LRP1B: variants seen among roughly 807,000 people sequenced by gnomAD.
LRP1B encodes the protein LDL receptor related protein 1B, also known as low-density lipoprotein receptor-related protein 1B.
Under a neutral mutation model 556.6 loss-of-function variants are expected in LRP1B, and 217 were observed. That is an observed-to-expected ratio of 0.39 (90% CI 0.35 to 0.44). The LOEUF (loss-of-function observed/expected upper bound fraction) is 0.44. Ranked by LOEUF, LRP1B falls within the 20% of genes least tolerant of loss-of-function variation. The pLI, the probability that LRP1B is intolerant of heterozygous loss-of-function variation, is 1.00. For synonymous variants in LRP1B, 2,047 were observed against 1,865.8 expected (o/e 1.10, Z -2.50); for missense variants, 5,053 against 5,620.8 (o/e 0.90, Z 3.23).
chr2:141,171,170 CA>C (rs1351512094), intron 7 of LRP1B, among the ~76,000 whole-genome samples: 1 of 152,028 alleles, frequency 6.6e-6, no homozygotes, highest in Non-Finnish European at 1.5e-5. Context: ...ATTACTGAAC[CA>C]ATGTTGATGC....
At chr2:141,860,677 G>T (rs72994939) in intron 1 of LRP1B, among the ~76,000 whole-genome samples, 8,542 of 152,064 alleles carry the variant, frequency 0.056, 814 homozygotes, top group African/African-American at 0.19. Context: ...GGTAAAAATA[G>T]AAATATAAAT....
At chr2:142,069,629 T>C (rs1408378897) in intron 1 of LRP1B, among the ~76,000 whole-genome samples, 4 of 151,838 alleles carry the variant, frequency 2.6e-5, no homozygotes, top group Admixed American at 6.6e-5. Context: ...TTAATATATG[T>C]CTCCATTAAA....
intron 86 of LRP1B, among the ~76,000 whole-genome samples, chr2:140,253,518 T>C (rs1681546453): frequency 6.6e-6 from 1 of 152,012 alleles, no homozygotes; most frequent in South Asian, 2.1e-4. Context: ...TTTGTTAAGT[T>C]TGAGTGATTT....
intron 1 of LRP1B, among the ~76,000 whole-genome samples, chr2:142,033,824 T>C (rs1030593596): frequency 1.3e-5 from 2 of 151,800 alleles, no homozygotes; most frequent in Admixed American, 6.6e-5. Context: ...TGTTCTATAA[T>C]AATAATTCTC....
chr2:142,028,755 T>C (rs1313851483), intron 1 of LRP1B, among the ~76,000 whole-genome samples: 1 of 151,990 alleles, frequency 6.6e-6, no homozygotes, highest in Non-Finnish European at 1.5e-5. Flanking sequence ...TTTTCCAAAG[T>C]GGCTGTAACA....
rs150414159 is a variant in LRP1B, at chr2:140,320,191, T to G, written c.12640+1772A>C. The stretch of plus-strand genomic sequence containing the variant: ...TGAATAATAATCTGAATTCTCCTAA[T>G]AGTTTTAACTCTGTCTCTTCTGTGG... On this transcript the variant is annotated intron_variant, in intron 82 of 90. Coordinates refer to ENST00000389484, the MANE Select transcript of LRP1B (RefSeq NM_018557.3). Among the ~76,000 whole-genome samples the G allele has an allele frequency of 6.6e-5, 10 of 151,272 alleles. 3 individuals carry two copies. The highest frequency in any genetic ancestry group is 2.4e-4 in the African/African-American group (10 of 41,202).
intron 1 of LRP1B, among the ~76,000 whole-genome samples, chr2:142,066,444 C>A (rs1301740908): frequency 6.6e-6 from 1 of 151,522 alleles, no homozygotes; most frequent in African/African-American, 2.4e-5. Flanking sequence ...AATTGCAGCA[C>A]ACAATTCCTC....
At chr2:140,827,329 T>C (rs10199290) in intron 31 of LRP1B, among the ~76,000 whole-genome samples, 5,619 of 151,928 alleles carry the variant, frequency 0.037, 338 homozygotes, top group African/African-American at 0.13. Flanking sequence ...GATCAAGAAT[T>C]CAAAATGGTA....
intron 7 of LRP1B, among the ~76,000 whole-genome samples, chr2:141,143,095 A>T (rs1174231919): frequency 6.6e-6 from 1 of 151,524 alleles, no homozygotes; most frequent in Non-Finnish European, 1.5e-5. Context: ...CGCCTGGCTA[A>T]TTTTTTTGTA....
chr2:141,302,869 T>C (rs1686448396), intron 3 of LRP1B, among the ~76,000 whole-genome samples: 1 of 152,084 alleles, frequency 6.6e-6, no homozygotes, highest in Non-Finnish European at 1.5e-5. Context: ...ACGACTAGTT[T>C]ATTAATTAAT....
chr2:140,898,919 A>G (rs1157156700), intron 23 of LRP1B: 5 of 378,270 alleles, frequency 1.3e-5, no homozygotes, highest in Non-Finnish European at 2.6e-5. Flanking sequence ...AAGATATCTC[A>G]GGTCTCAATA....
intron 41 of LRP1B, among the ~76,000 whole-genome samples, chr2:140,661,016 A>G (rs567529830): frequency 9.2e-5 from 14 of 151,988 alleles, no homozygotes; most frequent in African/African-American, 2.7e-4. Context: ...GGTTTTTTCT[A>G]TGAAACCCAT....
chr2:141,510,494 C>G (rs1331375350), intron 2 of LRP1B, among the ~76,000 whole-genome samples: 4 of 152,036 alleles, frequency 2.6e-5, no homozygotes, highest in Non-Finnish European at 5.9e-5. Context: ...TTATCGCACA[C>G]CTTTTTCCTT....
At chr2:141,589,875 T>C (rs868435054) in intron 2 of LRP1B, among the ~76,000 whole-genome samples, 4 of 152,278 alleles carry the variant, frequency 2.6e-5, no homozygotes, top group South Asian at 4.1e-4. Context: ...GGTGCACATC[T>C]GGAGAAAGGC....
At chr2:140,999,992 T>C (rs1052041014) in intron 15 of LRP1B, among the ~76,000 whole-genome samples, 3 of 152,002 alleles carry the variant, frequency 2.0e-5, no homozygotes, top group African/African-American at 7.2e-5. Context: ...CACATTTCAC[T>C]GCAGCCTCAA....
At chr2:141,368,458 G>C (rs951625316) in intron 3 of LRP1B, among the ~76,000 whole-genome samples, 4 of 152,180 alleles carry the variant, frequency 2.6e-5, no homozygotes, top group African/African-American at 7.2e-5. Context: ...GTTCCTTGTT[G>C]ATGGAGAAGT....
At chr2:140,696,889 C>T (rs904471898) in intron 41 of LRP1B, among the ~76,000 whole-genome samples, 1 of 152,112 alleles carries the variant, frequency 6.6e-6, no homozygotes, top group Admixed American at 6.6e-5. Flanking sequence ...CCTAAATGAT[C>T]CACAAATGTG....
At chr2:141,374,042 A>G (rs1403887410) in intron 3 of LRP1B, among the ~76,000 whole-genome samples, 2 of 152,118 alleles carry the variant, frequency 1.3e-5, no homozygotes, top group Non-Finnish European at 1.5e-5. Flanking sequence ...CTGTAGGTTC[A>G]GTCTAGTGGT....
At chr2:142,123,296 G>A (rs1003991962) in intron 1 of LRP1B, among the ~76,000 whole-genome samples, 17 of 151,876 alleles carry the variant, frequency 1.1e-4, no homozygotes, top group African/African-American at 3.9e-4. Flanking sequence ...AAAACTCAGC[G>A]GTAGAAAAAT....
Sources: allele counts gnomAD v4.1 joint callset (sites outside exome capture counted in the v4.1 genomes callset), GRCh38; gene constraint gnomAD v4.1.1; transcripts MANE v1.5; gene names NCBI Gene and HGNC (gene_info 2026-07-23, HGNC 2026-07-21).